The following CSMD1 variants were observed in gnomAD, a reference collection of about 807,000 sequenced individuals.
The protein encoded by CSMD1 is CUB and sushi domain-containing protein 1.
Under a neutral mutation model 417.5 loss-of-function variants are expected in CSMD1, and 213 were observed. The ratio of observed to expected loss-of-function variants is 0.51; its 90% CI spans 0.46 to 0.57. CSMD1 has a LOEUF of 0.57. Among genes scored for constraint, CSMD1 ranks in the 20% least tolerant of loss-of-function variants. The pLI is 0.00. For synonymous variants in CSMD1, 2,862 were observed against 1,736.8 expected (o/e 1.65, Z -16.11); for missense variants, 6,923 against 4,529.7 (o/e 1.53, Z -15.17).
chr8:4,229,224 C>T (rs181648322), intron 3 of CSMD1, among the ~76,000 whole-genome samples: 1 of 152,148 alleles, frequency 6.6e-6, no homozygotes, highest in Non-Finnish European at 1.5e-5. Flanking sequence ...AGCACATTGG[C>T]CAATTTGGCT....
At chr8:3,638,061 A>T (rs528264135) in intron 7 of CSMD1, among the ~76,000 whole-genome samples, 2 of 152,138 alleles carry the variant, frequency 1.3e-5, no homozygotes, top group African/African-American at 4.8e-5. Flanking sequence ...TTATAGGAGC[A>T]TGGCTTTTCT....
intron 1 of CSMD1, among the ~76,000 whole-genome samples, chr8:4,831,422 A>C (rs182866525): frequency 1.3e-5 from 2 of 152,316 alleles, no homozygotes; most frequent in East Asian, 3.9e-4. Context: ...AATAACTACA[A>C]ATATCCATAT....
chr8:3,994,683 C>T (rs554075653), intron 5 of CSMD1, among the ~76,000 whole-genome samples: 23 of 152,202 alleles, frequency 1.5e-4, no homozygotes, highest in African/African-American at 5.5e-4. Context: ...AATTACGAAC[C>T]CAACGTATGT....
chr8:3,496,113 G>A (rs546897084), intron 10 of CSMD1, among the ~76,000 whole-genome samples: 1 of 152,140 alleles, frequency 6.6e-6, no homozygotes, highest in African/African-American at 2.4e-5. Context: ...CTGTGTTCAT[G>A]TGTTCTCATT....
chr8:2,942,900 G>A (rs993894589), intron 68 of CSMD1, among the ~76,000 whole-genome samples: 1 of 152,114 alleles, frequency 6.6e-6, no homozygotes, highest in Non-Finnish European at 1.5e-5. Context: ...AGTTATAGGT[G>A]TTTTCACAAA....
intron 33 of CSMD1, among the ~76,000 whole-genome samples, chr8:3,197,812 T>A (rs1796786552): frequency 6.6e-6 from 1 of 152,224 alleles, no homozygotes; most frequent in Non-Finnish European, 1.5e-5. Context: ...CAAGAAGCAA[T>A]GTTCCATTTA....
At chr8:3,327,801 T>C (rs1806630488) in intron 23 of CSMD1, among the ~76,000 whole-genome samples, 1 of 152,172 alleles carries the variant, frequency 6.6e-6, no homozygotes, top group Admixed American at 6.6e-5. Flanking sequence ...AATAAGTAAA[T>C]GTTGTGTTTT....
intron 3 of CSMD1, among the ~76,000 whole-genome samples, chr8:4,168,652 G>T (rs974539733): frequency 2.6e-5 from 4 of 151,962 alleles, no homozygotes; most frequent in Middle Eastern, 3.2e-3. Context: ...TTCTACTCTG[G>T]AGTACATCAT....
intron 3 of CSMD1, among the ~76,000 whole-genome samples, chr8:4,077,305 A>ATATATATATGTG (rs1799879533): frequency 6.1e-5 from 8 of 130,358 alleles, no homozygotes; most frequent in South Asian, 4.9e-4. Flanking sequence ...GTGTATATAT[A>ATATATATATGTG]TATATATATA....
rs7833941 is a variant in CSMD1, at chr8:3,151,093, G to A, written c.6031+304C>T. On this transcript the variant is annotated intron_variant, in intron 40 of 69. Coordinates refer to ENST00000635120, the MANE Select transcript of CSMD1 (RefSeq NM_033225.6). ...CTTCCAGAGATAGATTAGAAAAAGA[G>A]CTATTATAAATAAAGAGATTGATAA... Among the ~76,000 whole-genome samples, 268 of 152,218 alleles carry A rather than the reference G, an allele frequency of 1.8e-3. 1 individual carries two copies. The highest frequency in any genetic ancestry group is 5.9e-3 in the African/African-American group (245 of 41,534).
At chr8:3,975,574 G>A (rs1248753144) in intron 5 of CSMD1, among the ~76,000 whole-genome samples, 2 of 152,156 alleles carry the variant, frequency 1.3e-5, no homozygotes, top group African/African-American at 4.8e-5. Context: ...CGCTTTATCA[G>A]AGAGAAGCTG....
chr8:3,953,610 ACG>A (rs1441488348), intron 5 of CSMD1, among the ~76,000 whole-genome samples: 2 of 152,010 alleles, frequency 1.3e-5, no homozygotes, highest in African/African-American at 4.8e-5. Flanking sequence ...GCCCAAGCAT[ACG>A]CATTTCAAGG....
chr8:4,267,578 G>A (rs17069790), intron 3 of CSMD1, among the ~76,000 whole-genome samples: 14,611 of 151,894 alleles, frequency 0.096, 945 homozygotes, highest in African/African-American at 0.16. Flanking sequence ...GACACAATAA[G>A]TGACACATTC....
intron 3 of CSMD1, among the ~76,000 whole-genome samples, chr8:4,213,066 G>T (rs977257084): frequency 2.0e-5 from 3 of 152,102 alleles, no homozygotes; most frequent in African/African-American, 7.2e-5. Flanking sequence ...GTCACTTTGA[G>T]CTAATGTCTA....
chr8:3,350,449 T>G lies in CSMD1; in HGVS notation c.3305-2288A>C, dbSNP rs74304352. 6.8e-3 allele frequency among the ~76,000 whole-genome samples: 1,028 copies of G among 152,278 alleles called. 32 individuals are homozygous for G. The East Asian group carries it at 0.096, about 14-fold the overall frequency. On this transcript the variant is annotated intron_variant, in intron 21 of 69. Coordinates refer to ENST00000635120, the MANE Select transcript of CSMD1 (RefSeq NM_033225.6). ...AATGTCTTTCCCAAGGTCACACAGCTAGTACAGATTAATTACTGATGTGAT... is the reference window on the plus strand; with the variant it reads ...AATGTCTTTCCCAAGGTCACACAGCGAGTACAGATTAATTACTGATGTGAT...
chr8:3,710,808 C>T (rs1801464502), intron 6 of CSMD1, among the ~76,000 whole-genome samples: 1 of 152,122 alleles, frequency 6.6e-6, no homozygotes, highest in Non-Finnish European at 1.5e-5. Context: ...CTCACAGATG[C>T]ACAGGGAAGA....
intron 5 of CSMD1, among the ~76,000 whole-genome samples, chr8:3,853,799 A>G (rs1804087377): frequency 6.6e-6 from 1 of 151,286 alleles, no homozygotes; most frequent in South Asian, 2.1e-4. Context: ...CAGCACACCA[A>G]CATGGCACAT....
intron 5 of CSMD1, among the ~76,000 whole-genome samples, chr8:3,759,563 C>T (rs1476252410): frequency 6.6e-6 from 1 of 151,796 alleles, no homozygotes; most frequent in African/African-American, 2.4e-5. Flanking sequence ...GGAAAATGGG[C>T]ATGAACAGAG....
chr8:4,365,785 T>G (rs912896272), intron 3 of CSMD1, among the ~76,000 whole-genome samples: 3 of 152,214 alleles, frequency 2.0e-5, no homozygotes, highest in East Asian at 1.9e-4. Context: ...AAGTCCTGAT[T>G]ACTCTTGGCA....
Sources: allele counts gnomAD v4.1 joint callset (sites outside exome capture counted in the v4.1 genomes callset), GRCh38; gene constraint gnomAD v4.1.1; transcripts MANE v1.5; gene names NCBI Gene and HGNC (gene_info 2026-07-23, HGNC 2026-07-21).